Variants in CHST8 observed in about 807,000 individuals in gnomAD.
CHST8 encodes carbohydrate sulfotransferase 8.
CHST8 carries 10 observed loss-of-function variants against 15.0 expected under a neutral mutation model. That is an observed-to-expected ratio of 0.67 (90% CI 0.41 to 1.13). The LOEUF (loss-of-function observed/expected upper bound fraction) is 1.13, where lower values mean the gene tolerates loss of function less well. Among genes scored for constraint, CHST8 ranks in the 50% most tolerant of loss-of-function variants. The pLI is 0.00. For missense variants in CHST8, 634 were observed against 608.2 expected, an observed-to-expected ratio of 1.04 and a Z score of -0.45; for synonymous variants, 259 against 256.6, an observed-to-expected ratio of 1.01 and a Z score of -0.09.
intron 1 of CHST8, among the ~76,000 whole-genome samples, chr19:33,648,006 T>A (rs1257258794): frequency 1.3e-5 from 2 of 151,890 alleles, no homozygotes; most frequent in African/African-American, 4.8e-5. Flanking sequence ...TAGAATAGAA[T>A]GTGAAAAACA....
intron 3 of CHST8, among the ~76,000 whole-genome samples, chr19:33,743,082 T>C (rs1198548511): frequency 4.7e-5 from 7 of 150,328 alleles, no homozygotes; most frequent in African/African-American, 7.3e-5. Context: ...CCTCTGTTCA[T>C]TGAAGACACT....
rs1975044559 is a variant in CHST8 at position 33,773,032 on chromosome 19, A to G, written c.1244A>G (p.Asn415Ser). ...DFYYMDYLMFNYSKPFADLY is the reference protein window; with the variant it reads ...DFYYMDYLMFSYSKPFADLY Reference sequence around the variant, plus strand: ...TACTACATGGATTACCTGATGTTCAACTATTCCAAGCCCTTTGCAGATCTG... The same window carrying G: ...TACTACATGGATTACCTGATGTTCAGCTATTCCAAGCCCTTTGCAGATCTG... Residue 415 changes from asparagine to serine, a missense_variant, in exon 5 of 5, where the codon AAC becomes AGC. By Grantham distance (46) the Asn-to-Ser change is conservative (BLOSUM62 1). Transcript: ENST00000650847. 6.2e-7 allele frequency: 1 copy of G among 1,610,404 alleles called. No homozygotes were observed. Among genetic ancestry groups the G allele is most frequent in the South Asian group, 1.1e-5 (1 of 91,042 alleles).
intron 1 of CHST8, among the ~76,000 whole-genome samples, chr19:33,650,221 C>T (rs1405746631): frequency 1.3e-5 from 2 of 152,040 alleles, no homozygotes; most frequent in African/African-American, 4.8e-5. Context: ...TCCAACCTCC[C>T]GTCCCAGCAT....
intron 3 of CHST8, among the ~76,000 whole-genome samples, chr19:33,763,070 C>T (rs946009604): frequency 2.0e-5 from 3 of 152,096 alleles, no homozygotes; most frequent in Non-Finnish European, 4.4e-5. Flanking sequence ...GGTTTCACCA[C>T]GTTGGCCAAG....
At chr19:33,748,066 G>A (rs932010823) in intron 3 of CHST8, among the ~76,000 whole-genome samples, 5 of 152,180 alleles carry the variant, frequency 3.3e-5, no homozygotes, top group African/African-American at 7.2e-5. Flanking sequence ...GAGCTGTCCC[G>A]TCCAGTGCTC....
intron 3 of CHST8, among the ~76,000 whole-genome samples, chr19:33,695,821 C>CTTTCTTTCTTTCTTTCTTTCT (rs57718433): frequency 1.0e-4 from 8 of 76,204 alleles, no homozygotes; most frequent in East Asian, 4.0e-4. Flanking sequence ...TTCTTTCTTT[C>CTTTCTTTCTTTCTTTCTTTCT]TTTTTTTTTT....
chr19:33,711,677 G>A lies in CHST8; in HGVS notation c.130+22286G>A, dbSNP rs372298278. 1.4e-4 allele frequency among the ~76,000 whole-genome samples: 22 copies of A among 152,224 alleles called. No individual in the cohort carries two copies. The East Asian group carries it at 3.9e-3, about 27-fold the overall frequency. On this transcript the variant is annotated intron_variant, in intron 3 of 4. Transcript: ENST00000650847. ...GTGAGACAGAATCTTTGTCACCCAG[G>A]CTGGAGTGCAGTGGCATGATCTTGG...
intron 3 of CHST8, among the ~76,000 whole-genome samples, chr19:33,707,658 G>A (rs1451395327): frequency 9.8e-5 from 15 of 152,314 alleles, no homozygotes; most frequent in African/African-American, 3.4e-4. Flanking sequence ...CTGTTCACCA[G>A]CTGCTGGATA....
chr19:33,772,729 A>G lies in CHST8; in HGVS notation c.941A>G (p.Tyr314Cys). The G allele has an allele frequency of 6.2e-7, 1 of 1,613,296 alleles. No individual in the cohort carries two copies. Among genetic ancestry groups the G allele is most frequent in the Non-Finnish European group, 8.5e-7 (1 of 1,179,962 alleles). The change falls in exon 5 of 5, where the codon TAC (tyrosine) becomes TGC (cysteine). Residue 314 changes from tyrosine (Y) to cysteine (C), a missense_variant. Physicochemically the swap from Tyr to Cys is radical, Grantham distance 194. Coordinates refer to ENST00000650847, the MANE Select transcript of CHST8 (RefSeq NM_001127895.2). Reference protein sequence around the residue: ...SGVRFPEFVQYLLDVHRPVGM... With the variant: ...SGVRFPEFVQCLLDVHRPVGM... The stretch of plus-strand genomic sequence containing the variant: ...GTGCGTTTTCCCGAGTTCGTCCAGT[A>G]CCTGCTGGACGTGCACCGGCCCGTG...
intron 1 of CHST8, among the ~76,000 whole-genome samples, chr19:33,650,745 T>C (rs1433732926): frequency 2.0e-5 from 3 of 151,890 alleles, no homozygotes; most frequent in Non-Finnish European, 4.4e-5. Flanking sequence ...TCTTGCTCTG[T>C]CACCCAGGCT....
intron 2 of CHST8, among the ~76,000 whole-genome samples, chr19:33,673,626 C>T (rs940656917): frequency 6.6e-6 from 1 of 152,176 alleles, no homozygotes. Flanking sequence ...GGTCCCAGGA[C>T]GTGCACTTGC....
intron 1 of CHST8, among the ~76,000 whole-genome samples, chr19:33,647,151 C>T (rs1349671296): frequency 1.3e-5 from 2 of 152,130 alleles, no homozygotes; most frequent in African/African-American, 2.4e-5. Context: ...GAAGACTGAT[C>T]GAGGTCAGCG....
chr19:33,639,086 C>CAA (rs34970478), intron 1 of CHST8, among the ~76,000 whole-genome samples: 649 of 63,610 alleles, frequency 0.01, 1 homozygote, highest in African/African-American at 0.014. Context: ...TGATCCTGAC[C>CAA]AAAAAAAAAA....
intron 2 of CHST8, among the ~76,000 whole-genome samples, chr19:33,678,532 A>G (rs1014148973): frequency 6.6e-6 from 1 of 152,108 alleles, no homozygotes; most frequent in African/African-American, 2.4e-5. Flanking sequence ...ACTGGAGGCC[A>G]GGAGTTTCAG....
chr19:33,699,137 T>G (rs1416158908), intron 3 of CHST8, among the ~76,000 whole-genome samples: 4 of 152,174 alleles, frequency 2.6e-5, no homozygotes, highest in Non-Finnish European at 4.4e-5. Flanking sequence ...CCTGGGTCCC[T>G]GGGCTTGCCA....
intron 3 of CHST8, among the ~76,000 whole-genome samples, chr19:33,752,572 T>A: frequency 6.6e-6 from 1 of 152,114 alleles, no homozygotes; most frequent in Non-Finnish European, 1.5e-5. Flanking sequence ...TTTAGGCAGT[T>A]CCCCGGGGAG....
At chr19:33,652,061 G>A (rs1972455625) in intron 1 of CHST8, among the ~76,000 whole-genome samples, 1 of 151,972 alleles carries the variant, frequency 6.6e-6, no homozygotes, top group Non-Finnish European at 1.5e-5. Flanking sequence ...TACCAACTTT[G>A]ACTATATTTT....
chr19:33,680,991 G>A (rs766877990), intron 2 of CHST8, among the ~76,000 whole-genome samples: 7 of 152,056 alleles, frequency 4.6e-5, no homozygotes, highest in Non-Finnish European at 7.4e-5. Flanking sequence ...CAATTGTAAC[G>A]GTTTGCAAAA....
intron 3 of CHST8, among the ~76,000 whole-genome samples, chr19:33,706,177 A>G (rs540534122): frequency 6.6e-6 from 1 of 152,288 alleles, no homozygotes; most frequent in African/African-American, 2.4e-5. Flanking sequence ...CAAGCACCAC[A>G]CTATGAGATG....
Sources: gnomAD v4.1 joint callset for allele counts (sites outside exome capture counted in the v4.1 genomes callset) on GRCh38, gnomAD v4.1.1 for gene constraint, MANE v1.5 for transcripts, NCBI Gene and HGNC (gene_info 2026-07-23, HGNC 2026-07-21) for gene names.